Variants in GALNTL6 observed in about 807,000 individuals in gnomAD.
GALNTL6 encodes the protein polypeptide N-acetylgalactosaminyltransferase-like 6.
GALNTL6 carries 46 observed loss-of-function variants against 73.7 expected under a neutral mutation model. The observed-to-expected ratio is 0.62, with a 90% CI of 0.49 to 0.80. GALNTL6 has a LOEUF of 0.80. Among genes scored for constraint, GALNTL6 ranks in the 30% least tolerant of loss-of-function variants. The pLI is 0.00. For synonymous variants in GALNTL6, 259 were observed against 263.7 expected (o/e 0.98, Z 0.17); for missense variants, 604 against 755.0 (o/e 0.80, Z 2.34).
chr4:172,205,987 G>A (rs1030457079), intron 2 of GALNTL6, among the ~76,000 whole-genome samples: 14 of 152,100 alleles, frequency 9.2e-5, no homozygotes, highest in African/African-American at 3.4e-4. Context: ...CTACTCAGAG[G>A]TCTACCTGGT....
At chr4:172,028,510 A>T (rs959926961) in intron 2 of GALNTL6, among the ~76,000 whole-genome samples, 1 of 152,078 alleles carries the variant, frequency 6.6e-6, no homozygotes, top group Admixed American at 6.6e-5. Flanking sequence ...GGATTCCTAC[A>T]CAAAAGAAAT....
intron 2 of GALNTL6, among the ~76,000 whole-genome samples, chr4:172,003,510 A>C (rs965762082): frequency 9.2e-5 from 14 of 152,164 alleles, no homozygotes; most frequent in African/African-American, 3.4e-4. Flanking sequence ...CTAATAGTAG[A>C]ATGTGTACAG....
intron 2 of GALNTL6, among the ~76,000 whole-genome samples, chr4:171,980,675 G>A (rs1049747765): frequency 6.6e-6 from 1 of 152,158 alleles, no homozygotes; most frequent in African/African-American, 2.4e-5. Context: ...TTGTGTTCTT[G>A]TTCGTCGAAG....
At chr4:172,465,969 A>T (rs1732800251) in intron 5 of GALNTL6, among the ~76,000 whole-genome samples, 2 of 152,336 alleles carry the variant, frequency 1.3e-5, no homozygotes, top group South Asian at 4.1e-4. Flanking sequence ...AGTTTTTTTA[A>T]AAAACTGTCC....
intron 4 of GALNTL6, among the ~76,000 whole-genome samples, chr4:172,338,260 G>A (rs1020786467): frequency 6.6e-6 from 1 of 151,654 alleles, no homozygotes; most frequent in African/African-American, 2.4e-5. Context: ...GCCATTTTGG[G>A]GTTTCTATTT....
At chr4:172,947,129 T>G (rs902217938) in intron 9 of GALNTL6, among the ~76,000 whole-genome samples, 9 of 152,108 alleles carry the variant, frequency 5.9e-5, no homozygotes, top group Admixed American at 4.6e-4. Flanking sequence ...CATCTTACAT[T>G]ATCATCTATG....
At chr4:172,741,098 C>A (rs542223419) in intron 5 of GALNTL6, among the ~76,000 whole-genome samples, 82 of 150,740 alleles carry the variant, frequency 5.4e-4, no homozygotes, top group African/African-American at 2.0e-3. Context: ...AATGTTGAAT[C>A]ATTGACCTTA....
chr4:172,098,510 A>AT (rs1194887784), intron 2 of GALNTL6, among the ~76,000 whole-genome samples: 1 of 152,070 alleles, frequency 6.6e-6, no homozygotes, highest in African/African-American at 2.4e-5. Context: ...GAGTGTAAGG[A>AT]TTTTTATCTG....
chr4:172,573,004 G>C (rs1736821062), intron 5 of GALNTL6, among the ~76,000 whole-genome samples: 1 of 152,016 alleles, frequency 6.6e-6, no homozygotes, highest in African/African-American at 2.4e-5. Context: ...GTGGGTACAT[G>C]TTTTCTTCTT....
At chr4:172,613,863 T>C (rs573126975) in intron 5 of GALNTL6, among the ~76,000 whole-genome samples, 1 of 152,288 alleles carries the variant, frequency 6.6e-6, no homozygotes, top group African/African-American at 2.4e-5. Flanking sequence ...CCCCTTTGTC[T>C]CTGCAGCAAG....
chr4:172,623,413 G>A (rs1268202970), intron 5 of GALNTL6, among the ~76,000 whole-genome samples: 2 of 152,006 alleles, frequency 1.3e-5, no homozygotes, highest in Non-Finnish European at 2.9e-5. Flanking sequence ...AAGTAAAGTA[G>A]AATGGAGGAA....
chr4:172,230,028 A>G (rs1461840667), intron 3 of GALNTL6, among the ~76,000 whole-genome samples: 1 of 152,184 alleles, frequency 6.6e-6, no homozygotes, highest in Non-Finnish European at 1.5e-5. Flanking sequence ...CTGCTTGTTC[A>G]TAATTTCTAG....
intron 5 of GALNTL6, among the ~76,000 whole-genome samples, chr4:172,351,102 C>T: frequency 6.6e-6 from 1 of 152,192 alleles, no homozygotes; most frequent in Middle Eastern, 3.4e-3. Flanking sequence ...AAATACTCTA[C>T]TACTACTATA....
At chr4:172,357,634 T>TACACACACAC (rs5864129) in intron 5 of GALNTL6, among the ~76,000 whole-genome samples, 10,429 of 145,638 alleles carry the variant, frequency 0.072, 435 homozygotes, top group East Asian at 0.2. Context: ...TATAGATATA[T>TACACACACAC]ACACACACAC....
In GALNTL6 at chr4:172,053,226, A is replaced by G. The variant is rs1362592382; in HGVS notation, c.139-176430A>G. Among the ~76,000 whole-genome samples, 3 of 152,208 alleles carry G rather than the reference A, an allele frequency of 2.0e-5. No homozygotes were observed. In the East Asian group the frequency reaches 5.8e-4, roughly 29 times the overall value. On this transcript the variant is annotated intron_variant, in intron 2 of 12. Coordinates refer to ENST00000506823, the MANE Select transcript of GALNTL6 (RefSeq NM_001034845.3). ...ATGAGAATTTTGTAATTTCTGAATC[A>G]TATTTTATGTGAAAAGCTTTTTGAG...
At chr4:172,514,326 C>G (rs1734527607) in intron 5 of GALNTL6, among the ~76,000 whole-genome samples, 1 of 152,142 alleles carries the variant, frequency 6.6e-6, no homozygotes, top group South Asian at 2.1e-4. Flanking sequence ...GGGATTATGA[C>G]TGCCTCTGCT....
At chr4:172,105,132 CATT>C (rs1732640631) in intron 2 of GALNTL6, among the ~76,000 whole-genome samples, 1 of 151,884 alleles carries the variant, frequency 6.6e-6, no homozygotes, top group Non-Finnish European at 1.5e-5. Context: ...AATGTCAGAT[CATT>C]ATTAAACAGA....
chr4:172,045,486 G>T (rs1742189484), intron 2 of GALNTL6, among the ~76,000 whole-genome samples: 1 of 151,956 alleles, frequency 6.6e-6, no homozygotes, highest in Non-Finnish European at 1.5e-5. Context: ...GACATTTTGA[G>T]ATTTTTTTAA....
At chr4:172,207,973 C>T (rs190791682) in intron 2 of GALNTL6, among the ~76,000 whole-genome samples, 7 of 152,238 alleles carry the variant, frequency 4.6e-5, no homozygotes, top group African/African-American at 1.7e-4. Context: ...TTCTTCAGTT[C>T]TTAAAGGGAC....
Sources: gnomAD v4.1 joint callset for allele counts (sites outside exome capture counted in the v4.1 genomes callset) on GRCh38, gnomAD v4.1.1 for gene constraint, MANE v1.5 for transcripts, NCBI Gene and HGNC (gene_info 2026-07-23, HGNC 2026-07-21) for gene names.